Variants in PSD3 observed in about 807,000 individuals in gnomAD.
The protein encoded by PSD3 is PH and SEC7 domain-containing protein 3.
Under a neutral mutation model 105.5 loss-of-function variants are expected in PSD3, and 49 were observed. The ratio of observed to expected loss-of-function variants is 0.46; its 90% CI spans 0.37 to 0.59. The LOEUF (loss-of-function observed/expected upper bound fraction) is 0.59, where lower values mean the gene tolerates loss of function less well. PSD3 is among the 20% of genes least tolerant of loss of function. The pLI is 0.00. For missense variants in PSD3, 1,561 were observed against 1,263.8 expected (o/e 1.24, Z -3.57); for synonymous variants, 557 against 457.8 (o/e 1.22, Z -2.77).
At chr8:18,917,673 C>A (rs900219752) in intron 2 of PSD3, among the ~76,000 whole-genome samples, 1 of 152,114 alleles carries the variant, frequency 6.6e-6, no homozygotes, top group South Asian at 2.1e-4. Context: ...CTAGTGCATG[C>A]CCCTTTGCTC....
intron 11 of PSD3, among the ~76,000 whole-genome samples, chr8:18,604,513 T>G (rs572348897): frequency 6.6e-6 from 1 of 152,230 alleles, no homozygotes; most frequent in East Asian, 1.9e-4. Flanking sequence ...CATAAATGTT[T>G]GAAAAATTTG....
chr8:18,557,717 C>T (rs968663345), intron 14 of PSD3, among the ~76,000 whole-genome samples: 2 of 152,130 alleles, frequency 1.3e-5, no homozygotes, highest in African/African-American at 2.4e-5. Flanking sequence ...AGAAAAGAAA[C>T]CTATTTTGAG....
intron 9 of PSD3, among the ~76,000 whole-genome samples, chr8:18,660,414 C>A (rs1006654400): frequency 3.9e-5 from 6 of 152,084 alleles, no homozygotes; most frequent in African/African-American, 1.4e-4. Context: ...TTTAAGACAC[C>A]AAGTTTGTGG....
upstream of PSD3, among the ~76,000 whole-genome samples, chr8:19,016,247 G>A (rs550315701): frequency 9.8e-5 from 15 of 152,302 alleles, no homozygotes; most frequent in South Asian, 2.9e-3. Flanking sequence ...GACCACCTAG[G>A]CATGGGCTAG....
chr8:18,944,975 A>G (rs1202282370), intron 1 of PSD3, among the ~76,000 whole-genome samples: 1 of 152,154 alleles, frequency 6.6e-6, no homozygotes, highest in Non-Finnish European at 1.5e-5. Context: ...CTTTCGATGA[A>G]AAATATTCTT....
chr8:19,011,658 A>G (rs576685584), intron 1 of PSD3, among the ~76,000 whole-genome samples: 1 of 152,224 alleles, frequency 6.6e-6, no homozygotes, highest in Admixed American at 6.5e-5. Context: ...AGTGCAATGT[A>G]CATAATAAGG....
At chr8:18,602,179 T>C (rs115931461) in intron 11 of PSD3, among the ~76,000 whole-genome samples, 3,366 of 151,218 alleles carry the variant, frequency 0.022, 130 homozygotes, top group African/African-American at 0.078. Flanking sequence ...ATTGGCATCT[T>C]GCGATCCCTT....
intron 4 of PSD3, among the ~76,000 whole-genome samples, chr8:18,811,587 T>C (rs1280384171): frequency 6.6e-6 from 1 of 152,162 alleles, no homozygotes; most frequent in African/African-American, 2.4e-5. Flanking sequence ...GAAACATTTT[T>C]CTACGAAGTG....
intron 9 of PSD3, among the ~76,000 whole-genome samples, chr8:18,689,363 C>T (rs1563173140): frequency 6.6e-6 from 1 of 152,138 alleles, no homozygotes; most frequent in Non-Finnish European, 1.5e-5. Context: ...GAGTATCAAA[C>T]GGCACCCAGG....
intron 7 of PSD3, among the ~76,000 whole-genome samples, chr8:18,799,712 TACAATGGGAGACA>T (rs1228325114): frequency 6.6e-6 from 1 of 152,128 alleles, no homozygotes; most frequent in Non-Finnish European, 1.5e-5. Context: ...AAGCATTGCT[TACAATGGGAGACA>T]AGTAAATATG....
At chr8:18,654,293 A>T (rs1158211609) in intron 10 of PSD3, among the ~76,000 whole-genome samples, 1 of 152,224 alleles carries the variant, frequency 6.6e-6, no homozygotes, top group Non-Finnish European at 1.5e-5. Context: ...GTCAACTATT[A>T]ACCCATGTTC....
At chr8:18,723,872 A>G (rs912003355) in intron 9 of PSD3, among the ~76,000 whole-genome samples, 4 of 152,196 alleles carry the variant, frequency 2.6e-5, no homozygotes, top group African/African-American at 9.6e-5. Context: ...TTGATTTTAA[A>G]TCTCTCATGT....
chr8:19,048,758 T>G (rs780128488), intron 1 of PSD3, among the ~76,000 whole-genome samples: 17 of 152,214 alleles, frequency 1.1e-4, no homozygotes, highest in Non-Finnish European at 1.8e-4. Context: ...TAATGAAGCT[T>G]CCTCATTTTA....
chr8:18,783,520 G>C (rs1376443143), intron 8 of PSD3, among the ~76,000 whole-genome samples: 3 of 152,022 alleles, frequency 2.0e-5, no homozygotes, highest in Non-Finnish European at 2.9e-5. Context: ...TCTTTCATTA[G>C]GTTAGACTGT....
At chr8:18,875,779 C>T (rs1281212244) in intron 2 of PSD3, among the ~76,000 whole-genome samples, 2 of 152,054 alleles carry the variant, frequency 1.3e-5, no homozygotes, top group African/African-American at 2.4e-5. Flanking sequence ...CCTTGTGATC[C>T]GCCCGCCTAG....
intron 11 of PSD3, among the ~76,000 whole-genome samples, chr8:18,605,376 C>CTT (rs36029670): frequency 8.6e-5 from 13 of 151,524 alleles, no homozygotes; most frequent in East Asian, 5.9e-4. Flanking sequence ...CCTGTAGCCC[C>CTT]TTTTTTTTGG....
chr8:19,001,857 C>T (rs898466428), intron 1 of PSD3: 28 of 171,300 alleles, frequency 1.6e-4, no homozygotes, highest in Admixed American at 8.4e-4. Flanking sequence ...ACAGTACTTC[C>T]TGCGGTGTCC....
At chr8:18,732,546 G>T (rs568202021) in intron 9 of PSD3, among the ~76,000 whole-genome samples, 75 of 152,318 alleles carry the variant, frequency 4.9e-4, no homozygotes, top group Middle Eastern at 6.8e-3. Flanking sequence ...TCCAATGTAT[G>T]AGCATGGTGC....
chr8:18,688,586 C>A (rs932011648), intron 9 of PSD3, among the ~76,000 whole-genome samples: 1 of 152,170 alleles, frequency 6.6e-6, no homozygotes, highest in Non-Finnish European at 1.5e-5. Flanking sequence ...GAATAATACC[C>A]CTGCAATGTA....
Sources: gnomAD v4.1 joint callset for allele counts (sites outside exome capture counted in the v4.1 genomes callset) on GRCh38, gnomAD v4.1.1 for gene constraint, MANE v1.5 for transcripts, NCBI Gene and HGNC (gene_info 2026-07-23, HGNC 2026-07-21) for gene names.